MGAT4C: variants seen among roughly 807,000 people sequenced by gnomAD.
MGAT4C encodes alpha-1,3-mannosyl-glycoprotein 4-beta-N-acetylglucosaminyltransferase C.
MGAT4C carries 19 observed loss-of-function variants against 40.1 expected under a neutral mutation model. That is an observed-to-expected ratio of 0.47 (90% confidence interval 0.33 to 0.70). The LOEUF (loss-of-function observed/expected upper bound fraction) is 0.70, where lower values mean the gene tolerates loss of function less well. Ranked by LOEUF, MGAT4C falls within the 30% of genes least tolerant of loss-of-function variation. MGAT4C has a pLI of 0.02. For synonymous variants in MGAT4C, 181 were observed against 187.1 expected (o/e 0.97, Z 0.27); for missense variants, 491 against 563.2 (o/e 0.87, Z 1.30).
intron 2 of MGAT4C, among the ~76,000 whole-genome samples, chr12:86,627,108 TG>T (rs1195212689): frequency 1.3e-5 from 2 of 152,194 alleles, no homozygotes; most frequent in Non-Finnish European, 2.9e-5. Context: ...CACAGAGCCT[TG>T]CTCACTTGCT....
At chr12:86,741,209 T>A (rs1593165943) in intron 1 of MGAT4C, among the ~76,000 whole-genome samples, 2 of 151,368 alleles carry the variant, frequency 1.3e-5, no homozygotes. Context: ...TTCATCACAG[T>A]ACTGTTGACA....
chr12:86,224,010 C>T (rs55678653), intron 1 of MGAT4C, among the ~76,000 whole-genome samples: 2,268 of 152,212 alleles, frequency 0.015, 32 homozygotes, highest in African/African-American at 0.035. Context: ...CAACAACTGC[C>T]ACTACTACCA....
chr12:86,685,926 A>G (rs1950064012), intron 2 of MGAT4C, among the ~76,000 whole-genome samples: 1 of 147,652 alleles, frequency 6.8e-6, no homozygotes, highest in Admixed American at 6.8e-5. Context: ...GCAGTGGCAC[A>G]CTCTCAGCTC....
At chr12:86,597,658 C>A (rs1349962938) in intron 2 of MGAT4C, among the ~76,000 whole-genome samples, 1 of 152,082 alleles carries the variant, frequency 6.6e-6, no homozygotes, top group African/African-American at 2.4e-5. Flanking sequence ...TTTGAACAAT[C>A]CCCACAGATG....
chr12:86,593,645 G>A (rs1961417904), intron 2 of MGAT4C, among the ~76,000 whole-genome samples: 1 of 152,066 alleles, frequency 6.6e-6, no homozygotes, highest in African/African-American at 2.4e-5. Context: ...TACTTAGCAT[G>A]ATGTTTAACT....
intron 2 of MGAT4C, among the ~76,000 whole-genome samples, chr12:86,553,256 G>A (rs975760401): frequency 6.6e-6 from 1 of 152,034 alleles, no homozygotes; most frequent in African/African-American, 2.4e-5. Flanking sequence ...CTTAATGAAA[G>A]TGTGATTCAA....
intron 2 of MGAT4C, among the ~76,000 whole-genome samples, chr12:86,547,369 C>T (rs1322040726): frequency 6.6e-6 from 1 of 151,830 alleles, no homozygotes; most frequent in Non-Finnish European, 1.5e-5. Flanking sequence ...ATCCTCTTAT[C>T]TTCCTTTATT....
chr12:86,461,490 C>A (rs1460105367), intron 2 of MGAT4C, among the ~76,000 whole-genome samples: 2 of 152,100 alleles, frequency 1.3e-5, no homozygotes, highest in African/African-American at 2.4e-5. Context: ...CATGATCCAC[C>A]CTCCTCGGCC....
chr12:86,220,501 C>T (rs1232888557), intron 1 of MGAT4C, among the ~76,000 whole-genome samples: 2 of 151,912 alleles, frequency 1.3e-5, no homozygotes, highest in Non-Finnish European at 2.9e-5. Flanking sequence ...ATGAATTTAC[C>T]ACCCTAATCC....
intron 1 of MGAT4C, among the ~76,000 whole-genome samples, chr12:86,243,147 T>C (rs552553475): frequency 4.1e-4 from 63 of 152,300 alleles, no homozygotes; most frequent in Middle Eastern, 3.4e-3. Flanking sequence ...GTACAGTTTC[T>C]TTTTGAGCTC....
chr12:86,698,706 T>C (rs1031786549), intron 2 of MGAT4C, among the ~76,000 whole-genome samples: 4 of 152,098 alleles, frequency 2.6e-5, no homozygotes, highest in Admixed American at 6.6e-5. Context: ...TGTTGATTTA[T>C]GTATGAGTGC....
intron 1 of MGAT4C, among the ~76,000 whole-genome samples, chr12:86,209,131 A>T (rs1037657280): frequency 6.6e-6 from 1 of 152,098 alleles, no homozygotes; most frequent in Non-Finnish European, 1.5e-5. Context: ...ACAAAAATGG[A>T]TGATATTCTT....
chr12:86,269,827 G>A (rs899345224), intron 4 of MGAT4C, among the ~76,000 whole-genome samples: 1 of 151,910 alleles, frequency 6.6e-6, no homozygotes, highest in African/African-American at 2.4e-5. Flanking sequence ...TGGTACCCTG[G>A]TTCCCAATCT....
chr12:86,517,950 C>T (rs965747259), intron 2 of MGAT4C, among the ~76,000 whole-genome samples: 14 of 152,162 alleles, frequency 9.2e-5, no homozygotes, highest in African/African-American at 3.1e-4. Context: ...GCCCGGCCGA[C>T]TTTGTGTTTT....
At chr12:86,827,502 T>A (rs756992353) in intron 1 of MGAT4C, among the ~76,000 whole-genome samples, 1 of 151,458 alleles carries the variant, frequency 6.6e-6, no homozygotes, top group Non-Finnish European at 1.5e-5. Flanking sequence ...ATGAGTATAC[T>A]TGTAGATTTA....
At chr12:86,591,228 C>CTA (rs1005405859) in intron 2 of MGAT4C, among the ~76,000 whole-genome samples, 5 of 151,950 alleles carry the variant, frequency 3.3e-5, no homozygotes, top group African/African-American at 1.2e-4. Flanking sequence ...CTTCCATCTA[C>CTA]TATAGCCTCC....
chr12:86,760,389 T>A (rs987251026), intron 1 of MGAT4C, among the ~76,000 whole-genome samples: 1 of 151,950 alleles, frequency 6.6e-6, no homozygotes, highest in Non-Finnish European at 1.5e-5. Flanking sequence ...TTGTTTTTGT[T>A]TTTTTTTGGA....
chr12:86,163,521 C>T (rs1389799181), intron 1 of MGAT4C, among the ~76,000 whole-genome samples: 1 of 152,062 alleles, frequency 6.6e-6, no homozygotes, highest in Non-Finnish European at 1.5e-5. Context: ...AAAACCAGAC[C>T]TTCTCCATTT....
intron 1 of MGAT4C, among the ~76,000 whole-genome samples, chr12:86,819,749 A>C (rs1040972480): frequency 6.6e-6 from 1 of 150,816 alleles, no homozygotes; most frequent in African/African-American, 2.4e-5. Context: ...GTTAATTAGA[A>C]TATCTTCAAC....
Sources: allele counts gnomAD v4.1 joint callset (sites outside exome capture counted in the v4.1 genomes callset), GRCh38; gene constraint gnomAD v4.1.1; transcripts MANE v1.5; gene names NCBI Gene and HGNC (gene_info 2026-07-23, HGNC 2026-07-21).